Variants in RBFOX1 observed in about 807,000 individuals in gnomAD.
RBFOX1 encodes the protein RNA binding protein fox-1 homolog 1.
A neutral mutation model predicts 57.7 loss-of-function variants in RBFOX1; 8 were observed. The ratio of observed to expected loss-of-function variants is 0.14; its 90% CI spans 0.08 to 0.25. The LOEUF (loss-of-function observed/expected upper bound fraction) is 0.25. RBFOX1 is among the 10% of genes least tolerant of loss of function. The probability of loss-of-function intolerance (pLI) is 1.00; values close to 1 mark genes in which losing one functional copy is unlikely to be tolerated. For synonymous variants in RBFOX1, 326 were observed against 222.4 expected (o/e 1.47, Z -4.15); for missense variants, 611 against 548.5 (o/e 1.11, Z -1.14).
At chr16:6,676,159 C>G (rs1350968976) in intron 3 of RBFOX1, among the ~76,000 whole-genome samples, 9 of 151,586 alleles carry the variant, frequency 5.9e-5, no homozygotes, top group Admixed American at 4.6e-4. Flanking sequence ...CACACACACA[C>G]ACACACACAC....
At chr16:5,779,790 C>T (rs1354668257) in intron 3 of RBFOX1, among the ~76,000 whole-genome samples, 1 of 152,148 alleles carries the variant, frequency 6.6e-6, no homozygotes, top group Non-Finnish European at 1.5e-5. Flanking sequence ...CACAGGAGGC[C>T]ACGACTGTCT....
chr16:6,820,468 G>A (rs891067145), intron 3 of RBFOX1, among the ~76,000 whole-genome samples: 1 of 152,076 alleles, frequency 6.6e-6, no homozygotes, highest in Non-Finnish European at 1.5e-5. Flanking sequence ...ACCAGCATGG[G>A]AAAGATAGAA....
At chr16:5,610,638 T>A (rs1194977987) in intron 3 of RBFOX1, 2 of 152,190 alleles carry the variant, frequency 1.3e-5, no homozygotes, top group East Asian at 3.9e-4. Flanking sequence ...GGCCAGGAGT[T>A]TGAGATCAGC....
chr16:6,560,342 G>C (rs112168103), intron 2 of RBFOX1, among the ~76,000 whole-genome samples: 96,046 of 151,516 alleles, frequency 0.63, 32,046 homozygotes, highest in South Asian at 0.82. Flanking sequence ...CAGGAGAGTG[G>C]GGGTGGAAGA....
At chr16:6,137,245 T>C (rs2096673403) in intron 1 of RBFOX1, among the ~76,000 whole-genome samples, 1 of 152,246 alleles carries the variant, frequency 6.6e-6, no homozygotes, top group Non-Finnish European at 1.5e-5. Context: ...ATTGAATTCC[T>C]ACTATGTGCC....
At chr16:7,213,021 C>G (rs1213241377) in intron 4 of RBFOX1, among the ~76,000 whole-genome samples, 2 of 152,046 alleles carry the variant, frequency 1.3e-5, no homozygotes. Flanking sequence ...ATGATTGTGC[C>G]TACCCTTGCT....
At chr16:6,079,435 C>T (rs2095964399) in intron 1 of RBFOX1, among the ~76,000 whole-genome samples, 1 of 152,216 alleles carries the variant, frequency 6.6e-6, no homozygotes, top group Admixed American at 6.5e-5. Context: ...CTTCAGCCTC[C>T]TGAGTAGCTG....
At chr16:6,984,910 G>C (rs939935061) in intron 3 of RBFOX1, among the ~76,000 whole-genome samples, 1 of 152,224 alleles carries the variant, frequency 6.6e-6, no homozygotes, top group East Asian at 1.9e-4. Flanking sequence ...CAAAGTGCTA[G>C]GATTACAGGT....
rs192596936 is a variant in RBFOX1 at position 6,493,799 on chromosome 16, C to T, written c.-63-160804C>T. Reference sequence around the variant, plus strand: ...GCTTCAGAAACCTGTGCACTTCACTCGGCAGATTTCACTTCCTTTAAACAC... The same window carrying T: ...GCTTCAGAAACCTGTGCACTTCACTTGGCAGATTTCACTTCCTTTAAACAC... On this transcript the variant is annotated intron_variant, in intron 2 of 15. Transcript: ENST00000550418. Among the ~76,000 whole-genome samples, 160 of 152,276 alleles carry T rather than the reference C, an allele frequency of 1.1e-3. 1 individual carries two copies. The highest frequency in any genetic ancestry group is 3.6e-3 in the African/African-American group (148 of 41,554).
At chr16:6,581,965 A>G (rs1600542910) in intron 2 of RBFOX1, among the ~76,000 whole-genome samples, 1 of 152,198 alleles carries the variant, frequency 6.6e-6, no homozygotes, top group Admixed American at 6.5e-5. Context: ...CCCAAAGGAT[A>G]TTGATAATCT....
chr16:5,409,626 C>A (rs1174911589), intron 1 of RBFOX1, among the ~76,000 whole-genome samples: 3 of 152,146 alleles, frequency 2.0e-5, no homozygotes, highest in African/African-American at 7.2e-5. Context: ...TAGCTGTGAA[C>A]CAAACTGGCC....
At chr16:6,662,424 A>G (rs186165678) in intron 3 of RBFOX1, among the ~76,000 whole-genome samples, 2 of 152,210 alleles carry the variant, frequency 1.3e-5, no homozygotes, top group Admixed American at 6.5e-5. Flanking sequence ...TTTTATCTCA[A>G]TACAGTTAGG....
At chr16:5,551,782 C>G (rs1204014158) in intron 2 of RBFOX1, among the ~76,000 whole-genome samples, 1 of 151,634 alleles carries the variant, frequency 6.6e-6, no homozygotes, top group Non-Finnish European at 1.5e-5. Flanking sequence ...TAAAGCTGTC[C>G]CTCCCTCCGC....
intron 1 of RBFOX1, among the ~76,000 whole-genome samples, chr16:5,393,317 C>G (rs547708742): frequency 2.6e-5 from 4 of 152,304 alleles, no homozygotes; most frequent in South Asian, 2.1e-4. Context: ...ATCCAGCTGT[C>G]TCAAGCCGAA....
At chr16:7,502,636 G>A (rs1043680520) in intron 4 of RBFOX1, among the ~76,000 whole-genome samples, 6 of 152,174 alleles carry the variant, frequency 3.9e-5, no homozygotes, top group African/African-American at 1.2e-4. Flanking sequence ...GGGTACATGT[G>A]CACATTGTGC....
chr16:6,613,683 A>T (rs936318746), intron 2 of RBFOX1, among the ~76,000 whole-genome samples: 1 of 152,172 alleles, frequency 6.6e-6, no homozygotes, highest in Non-Finnish European at 1.5e-5. Context: ...CTCATTTTTT[A>T]AAAAAGGTAG....
intron 4 of RBFOX1, among the ~76,000 whole-genome samples, chr16:7,121,815 C>T (rs2067246581): frequency 6.6e-6 from 1 of 151,620 alleles, no homozygotes; most frequent in African/African-American, 2.4e-5. Context: ...ATAGTGCAAA[C>T]CAGTAAAGGA....
intron 4 of RBFOX1, among the ~76,000 whole-genome samples, chr16:7,150,430 G>T (rs1217227172): frequency 6.6e-6 from 1 of 152,090 alleles, no homozygotes; most frequent in African/African-American, 2.4e-5. Flanking sequence ...GAAAACTGCT[G>T]AATCACACTC....
intron 15 of RBFOX1, chr16:7,709,447 CT>C (rs75160475): frequency 4.0e-4 from 520 of 1,306,144 alleles, no homozygotes; most frequent in South Asian, 1.1e-3. Context: ...CAATGCAGAA[CT>C]TTTTTTTTTC....
Sources: gnomAD v4.1 joint callset for allele counts (sites outside exome capture counted in the v4.1 genomes callset) on GRCh38, gnomAD v4.1.1 for gene constraint, MANE v1.5 for transcripts, NCBI Gene and HGNC (gene_info 2026-07-23, HGNC 2026-07-21) for gene names.